The following ITGAV variants were observed in gnomAD, a reference collection of about 807,000 sequenced individuals.
ITGAV encodes integrin alpha-V.
ITGAV carries 76 observed loss-of-function variants against 143.8 expected under a neutral mutation model. The ratio of observed to expected loss-of-function variants is 0.53; its 90% CI spans 0.44 to 0.64. The LOEUF (loss-of-function observed/expected upper bound fraction) is 0.64. Among genes scored for constraint, ITGAV ranks in the 30% least tolerant of loss-of-function variants. The pLI is 0.00. For missense variants in ITGAV, 1,193 were observed against 1,274.7 expected, an observed-to-expected ratio of 0.94 and a Z score of 0.98; for synonymous variants, 453 against 446.7, an observed-to-expected ratio of 1.01 and a Z score of -0.18.
chr2:186,667,603 T>G, intron 23 of ITGAV, 68 bp from the exon 24 acceptor site: 2 of 749,322 alleles, frequency 2.7e-6, no homozygotes, highest in Non-Finnish European at 4.5e-6. Flanking sequence ...GAATATGGGG[T>G]ACTTTTGAAA....
Position 186,666,898 on chromosome 2 carries a change from A to G in ITGAV, c.2246+115A>G, listed in dbSNP as rs916735826. On this transcript the variant is annotated intron_variant, in intron 22 of 29. Coordinates refer to ENST00000261023, the MANE Select transcript of ITGAV (RefSeq NM_002210.5). Reference sequence around the variant, plus strand: ...GCAGATTAAATTTTATTGCTTGACTATAGCATTTTAAAATCAATATTTACA... The same window carrying G: ...GCAGATTAAATTTTATTGCTTGACTGTAGCATTTTAAAATCAATATTTACA... 10 of 567,872 alleles carry G rather than the reference A, an allele frequency of 1.8e-5. No individual in the cohort carries two copies. In the South Asian group the frequency reaches 2.7e-4, roughly 15 times the overall value. 35.2% of individuals were successfully genotyped at this position (567,872 alleles called of 1,614,324 possible).
chr2:186,621,333 C>T (rs140519093), intron 2 of ITGAV, among the ~76,000 whole-genome samples: 2 of 152,242 alleles, frequency 1.3e-5, no homozygotes, highest in African/African-American at 4.8e-5. Flanking sequence ...AATACTTGAG[C>T]ATGTATCTCC....
At chr2:186,650,113 A>G (rs539788830) in intron 14 of ITGAV, among the ~76,000 whole-genome samples, 1 of 152,186 alleles carries the variant, frequency 6.6e-6, no homozygotes, top group Non-Finnish European at 1.5e-5. Context: ...ATACAATGTA[A>G]TTATCAAATC....
At chr2:186,642,783 G>A (rs1390663680) in intron 12 of ITGAV, among the ~76,000 whole-genome samples, 1 of 151,948 alleles carries the variant, frequency 6.6e-6, no homozygotes, top group African/African-American at 2.4e-5. Context: ...TCCTGCCTTG[G>A]CTGTGCGAAG....
chr2:186,605,585 G>A (rs1479690799), intron 2 of ITGAV, among the ~76,000 whole-genome samples: 1 of 151,844 alleles, frequency 6.6e-6, no homozygotes, highest in Non-Finnish European at 1.5e-5. Context: ...CATGAGGACC[G>A]TTTTTTATCT....
chr2:186,615,322 G>A (rs1405743513), intron 2 of ITGAV, among the ~76,000 whole-genome samples: 6 of 151,894 alleles, frequency 4.0e-5, no homozygotes, highest in Admixed American at 2.0e-4. Context: ...TAGATGTCTA[G>A]GAGTGGAATT....
chr2:186,626,023 C>T (rs1284203172), intron 4 of ITGAV, among the ~76,000 whole-genome samples: 2 of 152,104 alleles, frequency 1.3e-5, no homozygotes, highest in Admixed American at 1.3e-4. Flanking sequence ...AGTTTGAGAA[C>T]TCCTGCTTTA....
At chr2:186,600,806 A>C (rs1686881135) in intron 1 of ITGAV, among the ~76,000 whole-genome samples, 1 of 152,162 alleles carries the variant, frequency 6.6e-6, no homozygotes, top group African/African-American at 2.4e-5. Context: ...TAAAAATATA[A>C]AAATTAGCCA....
chr2:186,591,575 A>C (rs1306998087), intron 1 of ITGAV, among the ~76,000 whole-genome samples: 1 of 152,094 alleles, frequency 6.6e-6, no homozygotes, highest in East Asian at 1.9e-4. Context: ...GTGGAGGAAA[A>C]TTTTGACGGT....
intron 2 of ITGAV, among the ~76,000 whole-genome samples, chr2:186,615,905 C>T (rs1687342288): frequency 6.6e-6 from 1 of 151,986 alleles, no homozygotes; most frequent in Non-Finnish European, 1.5e-5. Flanking sequence ...TCCTTGTTTT[C>T]TTTTAAGAGT....
intron 5 of ITGAV, 43 bp downstream of exon 5, chr2:186,630,901 A>G (rs1559050254): frequency 9.4e-7 from 1 of 1,065,000 alleles, no homozygotes; most frequent in Admixed American, 1.8e-5. Context: ...CATCTACCTT[A>G]TTGACTAGAC....
intron 11 of ITGAV, 44 bp from the exon 12 acceptor site, chr2:186,641,342 A>G (rs1345997673): frequency 1.3e-6 from 2 of 1,504,780 alleles, no homozygotes; most frequent in South Asian, 1.1e-5. Context: ...CTACTAAGAC[A>G]TGAAATTTGT....
chr2:186,652,244 T>C (rs1688455517), intron 15 of ITGAV, among the ~76,000 whole-genome samples, 155 bp downstream of exon 15: 2 of 152,252 alleles, frequency 1.3e-5, no homozygotes. Context: ...AAGCAAGGTC[T>C]GCCTCTGTTG....
chr2:186,598,219 G>C (rs1686799201), intron 1 of ITGAV, among the ~76,000 whole-genome samples: 1 of 151,478 alleles, frequency 6.6e-6, no homozygotes, highest in East Asian at 1.9e-4. Flanking sequence ...AGGGGTAGTT[G>C]TGTGATTTTG....
intron 2 of ITGAV, among the ~76,000 whole-genome samples, chr2:186,603,592 C>T (rs1267860641): frequency 6.6e-6 from 1 of 152,102 alleles, no homozygotes; most frequent in Non-Finnish European, 1.5e-5. Flanking sequence ...ACCTGTGACT[C>T]AGAATATGAT....
At chr2:186,610,259 G>T (rs563341922) in intron 2 of ITGAV, among the ~76,000 whole-genome samples, 4 of 152,054 alleles carry the variant, frequency 2.6e-5, no homozygotes, top group Non-Finnish European at 4.4e-5. Context: ...AAAGTTACTC[G>T]CTGCTTTGAT....
intron 15 of ITGAV, among the ~76,000 whole-genome samples, chr2:186,652,715 T>A (rs1368736176): frequency 2.6e-5 from 4 of 152,158 alleles, no homozygotes; most frequent in Non-Finnish European, 2.9e-5. Flanking sequence ...TTAAAAGATA[T>A]CTTGTTTTTC....
In ITGAV at chr2:186,602,167, C is replaced by A; in HGVS notation, c.316+16C>A. 6.3e-7 allele frequency: 1 copy of A among 1,589,940 alleles called. No individual in the cohort carries two copies. Among genetic ancestry groups the A allele is most frequent in the Admixed American group, 1.8e-5 (1 of 56,108 alleles). ...GATGCAACAGGTAAATTTTGATGCA[C>A]AATTTTCTTTTCATTGATTTCATTT... On this transcript the variant is annotated intron_variant, in intron 2 of 29. Coordinates refer to ENST00000261023, the MANE Select transcript of ITGAV (RefSeq NM_002210.5).
rs749142489 is a variant in ITGAV, at chr2:186,678,695, C to T, written c.*1403C>T. The T allele has an allele frequency of 3.7e-5, 17 of 454,866 alleles. No individual in the cohort carries two copies. The highest frequency in any genetic ancestry group is 5.8e-5 in the Non-Finnish European group (13 of 226,060). The allele number at this position is 454,866 out of a possible 1,614,324, so 28.2% of individuals were successfully genotyped here. A position where few individuals can be genotyped will look rare whatever the true frequency, so the allele number is the denominator to read the frequency against. ...AGGAATATATGATTTATTCACAGTT[C>T]CTCAAGGCCTGGGGATGATGATCAG... On this transcript the variant is annotated 3_prime_UTR_variant, in exon 30 of 30. Transcript: ENST00000261023.
Sources: gnomAD v4.1 joint callset for allele counts (sites outside exome capture counted in the v4.1 genomes callset) on GRCh38, gnomAD v4.1.1 for gene constraint, MANE v1.5 for transcripts, NCBI Gene and HGNC (gene_info 2026-07-23, HGNC 2026-07-21) for gene names.